The following GRB14 variants were observed in gnomAD, a reference collection of about 807,000 sequenced individuals.
GRB14 encodes the protein growth factor receptor-bound protein 14.
In GRB14, 38 loss-of-function variants were observed where a neutral mutation model predicts 69.1. The ratio of observed to expected loss-of-function variants is 0.55; its 90% confidence interval spans 0.42 to 0.72. GRB14 has a LOEUF of 0.72. GRB14 is among the 30% of genes least tolerant of loss of function. The pLI is 0.00. For missense variants in GRB14, 666 were observed against 666.1 expected, an observed-to-expected ratio of 1.00 and a Z score of 0.00; for synonymous variants, 247 against 241.3, an observed-to-expected ratio of 1.02 and a Z score of -0.22.
At chr2:164,555,641 T>C (rs1574304419) in intron 2 of GRB14, among the ~76,000 whole-genome samples, 1 of 150,184 alleles carries the variant, frequency 6.7e-6, no homozygotes. Context: ...TTATATTTAT[T>C]TTAAATTTAT....
At chr2:164,568,259 G>C in intron 2 of GRB14, 1 of 1,096,370 alleles carries the variant, frequency 9.1e-7, no homozygotes, top group African/African-American at 1.6e-5. Context: ...CACAGTAACA[G>C]GGGAAAAAAA....
intron 6 of GRB14, among the ~76,000 whole-genome samples, chr2:164,513,089 C>T (rs909784315): frequency 2.6e-5 from 4 of 152,140 alleles, no homozygotes; most frequent in African/African-American, 9.7e-5. Flanking sequence ...TGGCCCCTCT[C>T]TCTCTACTTC....
At chr2:164,520,239 C>CA (rs893997766) in intron 6 of GRB14, among the ~76,000 whole-genome samples, 23 of 151,264 alleles carry the variant, frequency 1.5e-4, no homozygotes, top group African/African-American at 5.6e-4. Context: ...ACAAAGCAAA[C>CA]AAAAAAAAGT....
intron 3 of GRB14, among the ~76,000 whole-genome samples, chr2:164,533,734 T>C (rs148659763): frequency 1.9e-3 from 289 of 152,224 alleles, no homozygotes; most frequent in African/African-American, 6.5e-3. Context: ...CTATGACAAA[T>C]GTGTAACTAA....
chr2:164,610,901 T>A (rs1690152822), intron 2 of GRB14, among the ~76,000 whole-genome samples: 1 of 125,834 alleles, frequency 7.9e-6, no homozygotes. Context: ...CAGGCTACAT[T>A]TAGGCTGGTC....
intron 6 of GRB14, among the ~76,000 whole-genome samples, chr2:164,511,134 C>T (rs953097931): frequency 6.6e-6 from 1 of 152,232 alleles, no homozygotes; most frequent in African/African-American, 2.4e-5. Context: ...CTCCCAACTG[C>T]GGACTAAACT....
chr2:164,606,598 T>C (rs1690046863), intron 2 of GRB14, among the ~76,000 whole-genome samples: 1 of 152,166 alleles, frequency 6.6e-6, no homozygotes, highest in Admixed American at 6.5e-5. Flanking sequence ...AAAGGGCCCC[T>C]TAGGCTTCTG....
At chr2:164,557,424 A>T (rs192221901) in intron 2 of GRB14, among the ~76,000 whole-genome samples, 92 of 152,352 alleles carry the variant, frequency 6.0e-4, no homozygotes, top group African/African-American at 1.9e-3. Flanking sequence ...TAATTCTTAA[A>T]AATTAAATGT....
intron 2 of GRB14, among the ~76,000 whole-genome samples, chr2:164,557,039 A>C (rs1223222002): frequency 6.6e-6 from 1 of 152,194 alleles, no homozygotes. Flanking sequence ...TTTTCATGAA[A>C]CTTATGGACT....
intron 2 of GRB14, among the ~76,000 whole-genome samples, chr2:164,606,530 T>TTTAA (rs1690045027): frequency 6.6e-6 from 1 of 152,186 alleles, no homozygotes; most frequent in African/African-American, 2.4e-5. Context: ...TTTAAATATT[T>TTTAA]AGTCATTTTT....
At chr2:164,508,434 T>A in intron 8 of GRB14, 21 bp downstream of exon 8, 3 of 1,596,678 alleles carry the variant, frequency 1.9e-6, no homozygotes, top group Non-Finnish European at 2.6e-6. Context: ...TAATAGAAAT[T>A]CATGCCTCCG....
intron 2 of GRB14, among the ~76,000 whole-genome samples, chr2:164,608,401 A>C (rs1369891068): frequency 6.6e-6 from 1 of 151,710 alleles, no homozygotes; most frequent in Admixed American, 6.6e-5. Flanking sequence ...AAATTTTGAG[A>C]AAAAAAAATT....
intron 6 of GRB14, among the ~76,000 whole-genome samples, chr2:164,519,646 T>C: frequency 6.6e-6 from 1 of 151,996 alleles, no homozygotes; most frequent in East Asian, 1.9e-4. Context: ...AACTGATAAA[T>C]GAATTAAGCA....
intron 2 of GRB14, among the ~76,000 whole-genome samples, chr2:164,603,846 T>C (rs1689984826): frequency 6.6e-6 from 1 of 152,072 alleles, no homozygotes. Context: ...GAAAAGATAA[T>C]TGCAATGTTT....
At chr2:164,521,250 C>T (rs1051900471) in intron 6 of GRB14, among the ~76,000 whole-genome samples, 9 of 151,938 alleles carry the variant, frequency 5.9e-5, no homozygotes, top group Non-Finnish European at 1.2e-4. Flanking sequence ...TTATCCTACG[C>T]GAAGTAACTC....
intron 3 of GRB14, among the ~76,000 whole-genome samples, chr2:164,542,201 G>T (rs899458185): frequency 2.0e-5 from 3 of 152,128 alleles, no homozygotes; most frequent in African/African-American, 7.2e-5. Context: ...TCAATAAATG[G>T]TATTGGGAAA....
chr2:164,517,092 A>C (rs1026887355), intron 6 of GRB14, among the ~76,000 whole-genome samples: 1 of 152,132 alleles, frequency 6.6e-6, no homozygotes, highest in Non-Finnish European at 1.5e-5. Flanking sequence ...TTTACAAAAG[A>C]AAAAGGTTTA....
Position 164,608,311 on chromosome 2 carries a change from G to A in GRB14, c.324+11376C>T, listed in dbSNP as rs577592002. The stretch of plus-strand genomic sequence containing the variant: ...CGCTTGAACCCAGGAGGTGGAGGTC[G>A]TAGTGAGCTGAGATCACCCACTGCA... On this transcript the variant is annotated intron_variant, in intron 2 of 13. Transcript: ENST00000263915. 1.6e-4 allele frequency among the ~76,000 whole-genome samples: 24 copies of A among 151,980 alleles called. No homozygotes were observed. In the South Asian group the frequency reaches 4.2e-3, roughly 26 times the overall value.
At chr2:164,589,566 A>C (rs1461696781) in intron 2 of GRB14, among the ~76,000 whole-genome samples, 1 of 152,092 alleles carries the variant, frequency 6.6e-6, no homozygotes, top group East Asian at 1.9e-4. Flanking sequence ...AGGAGGTGTC[A>C]GGCTCTTTTT....
Sources: allele counts gnomAD v4.1 joint callset (sites outside exome capture counted in the v4.1 genomes callset), GRCh38; gene constraint gnomAD v4.1.1; transcripts MANE v1.5; gene names NCBI Gene and HGNC (gene_info 2026-07-23, HGNC 2026-07-21).